Variants in HLA-G observed in about 807,000 individuals in gnomAD.
HLA-G encodes HLA class I histocompatibility antigen, alpha chain G.
Under a neutral mutation model 39.3 loss-of-function variants are expected in HLA-G, and 34 were observed. The observed-to-expected ratio is 0.86, with a 90% CI of 0.66 to 1.15. The LOEUF (loss-of-function observed/expected upper bound fraction) is 1.15, where lower values mean the gene tolerates loss of function less well. HLA-G is among the 50% of genes most tolerant of loss of function. HLA-G has a pLI of 0.00. For missense variants in HLA-G, 419 were observed against 456.4 expected, an observed-to-expected ratio of 0.92 and a Z score of 0.75; for synonymous variants, 183 against 185.8, an observed-to-expected ratio of 0.99 and a Z score of 0.12.
Position 29,828,332 on chromosome 6 carries a change from C to T in HLA-G, c.343+16C>T, listed in dbSNP as rs1460997602. 6.3e-7 allele frequency: 1 copy of T among 1,594,478 alleles called. No homozygotes were observed. The highest frequency in any genetic ancestry group is 8.5e-7 in the Non-Finnish European group (1 of 1,172,110). On this transcript the variant is annotated intron_variant, in intron 2 of 6. Coordinates refer to ENST00000360323, the MANE Select transcript of HLA-G (RefSeq NM_001384290.1). Reference sequence around the variant, plus strand: ...AGCGAGGCCAGTGAGTAACTCCGGCCCAGGGAGCAGATCACGACCCCCACC... The same window carrying T: ...AGCGAGGCCAGTGAGTAACTCCGGCTCAGGGAGCAGATCACGACCCCCACC...
Position 29,828,728 on chromosome 6 carries a change from GC to G in HLA-G, c.530del (p.Ala177ValfsTer37), listed in dbSNP as rs778802525. ...GCGCAAGTGTGAGGCGGCCAATGTG[GC>G]TGAACAAAGGAGAGCCTACCTGGAG... ...SKRKCEAANVAEQRRAYLEGT... is the reference protein window; with the variant it reads ...SKRKCEAANVXEQRRAYLEGT... On this transcript the variant is annotated frameshift_variant, in exon 3 of 7. Coordinates refer to ENST00000360323, the MANE Select transcript of HLA-G (RefSeq NM_001384290.1). LOFTEE classifies it high-confidence loss of function. 1.9e-6 allele frequency: 3 copies of G among 1,613,806 alleles called. No individual in the cohort carries two copies. Among genetic ancestry groups the G allele is most frequent in the African/African-American group, 1.3e-5 (1 of 74,950 alleles).
intron 3 of HLA-G, among the ~76,000 whole-genome samples, chr6:29,829,079 C>T (rs1264403116): frequency 6.6e-6 from 1 of 151,990 alleles, no homozygotes; most frequent in African/African-American, 2.4e-5. Context: ...CAGGGGTTCC[C>T]TTTGACCCCA....
chr6:29,827,844 G>T lies in HLA-G; in HGVS notation c.-1G>T, dbSNP rs148951074. 17 of 1,613,082 alleles carry T rather than the reference G, an allele frequency of 1.1e-5. No homozygotes were observed. The African/African-American group carries it at 2.3e-4, about 22-fold the overall frequency. On this transcript the variant is annotated 5_prime_UTR_variant, in exon 1 of 7. Coordinates refer to ENST00000360323, the MANE Select transcript of HLA-G (RefSeq NM_001384290.1). ...GGACTCATTCTCCCCAGACGCCAAG[G>T]ATGGTGGTCATGGCGCCCCGAACCC... is the stretch of plus-strand genomic sequence containing the variant.
Position 29,827,828 on chromosome 6 carries a change from C to T in HLA-G, c.-17C>T. On this transcript the variant is annotated 5_prime_UTR_variant, in exon 1 of 7. Coordinates refer to ENST00000360323, the MANE Select transcript of HLA-G (RefSeq NM_001384290.1). The stretch of plus-strand genomic sequence containing the variant: ...CCTCGCTCACCCACCCGGACTCATT[C>T]TCCCCAGACGCCAAGGATGGTGGTC... The T allele has an allele frequency of 6.2e-7, 1 of 1,611,574 alleles. No individual in the cohort carries two copies. The highest frequency in any genetic ancestry group is 8.5e-7 in the Non-Finnish European group (1 of 1,178,274).
rs202126599 is a variant in HLA-G, at chr6:29,829,589, C to A, written c.791C>A (p.Thr264Asn). ...LVETRPAGDGTFQKWAAVVVP... is the reference protein window; with the variant it reads ...LVETRPAGDGNFQKWAAVVVP... ...GAGACCAGGCCTGCAGGGGATGGAA[C>A]CTTCCAGAAGTGGGCAGCTGTGGTG... The change falls in exon 4 of 7, where the codon ACC becomes AAC. Residue 264 changes from threonine (T) to asparagine (N), a missense_variant. Physicochemically the swap from Thr to Asn is moderately conservative, Grantham distance 65. Transcript: ENST00000360323. 1.1e-5 allele frequency: 17 copies of A among 1,614,066 alleles called. No individual in the cohort carries two copies. Among genetic ancestry groups the A allele is most frequent in the South Asian group, 4.4e-5 (4 of 91,072 alleles).
In HLA-G at chr6:29,828,173, C is replaced by T; in HGVS notation, c.200C>T (p.Pro67Leu). 1 of 1,613,134 alleles carries T rather than the reference C, an allele frequency of 6.2e-7. No homozygotes were observed. The highest frequency in any genetic ancestry group is 8.5e-7 in the Non-Finnish European group (1 of 1,179,810). ...CGGTTCGACAGCGACTCGGCGTGTCCGAGGATGGAGCCGCGGGCGCCGTGG... is the reference window on the plus strand; with the variant it reads ...CGGTTCGACAGCGACTCGGCGTGTCTGAGGATGGAGCCGCGGGCGCCGTGG... Reference protein sequence around the residue: ...FVRFDSDSACPRMEPRAPWVE... With the variant: ...FVRFDSDSACLRMEPRAPWVE... Residue 67 changes from proline (P) to leucine (L), a missense_variant, in exon 2 of 7, where the codon CCG becomes CTG. By Grantham distance (98) the Pro-to-Leu change is moderately conservative. This residue lies in a region of HLA-G where 91 missense variants were observed against 133.4 expected (regional missense o/e 0.68). Coordinates refer to ENST00000360323, the MANE Select transcript of HLA-G (RefSeq NM_001384290.1).
In HLA-G at chr6:29,828,302, A is replaced by G; in HGVS notation, c.329A>G (p.Asn110Ser). 6.2e-7 allele frequency: 1 copy of G among 1,612,736 alleles called. No homozygotes were observed. The highest frequency in any genetic ancestry group is 2.2e-5 in the East Asian group (1 of 44,832). The stretch of plus-strand genomic sequence containing the variant: ...CTGCAGACCCTGCGCGGCTACTACA[A>G]CCAGAGCGAGGCCAGTGAGTAACTC... ...MNLQTLRGYY[N>S]QSEASSHTLQ... is the part of the protein sequence containing the mutation. The change falls in exon 2 of 7, where the codon AAC (asparagine) becomes AGC (serine). Residue 110 changes from asparagine to serine, a missense_variant. Physicochemically the swap from Asn to Ser is conservative, Grantham distance 46 (BLOSUM62 1). Coordinates refer to ENST00000360323, the MANE Select transcript of HLA-G (RefSeq NM_001384290.1).
intron 2 of HLA-G, 23 bp from the exon 3 acceptor site, chr6:29,828,520 G>T (rs761483005): frequency 9.3e-5 from 149 of 1,607,310 alleles, no homozygotes; most frequent in Non-Finnish European, 1.2e-4. Flanking sequence ...GGTGGGCGGG[G>T]CTGACCGAGG....
At chr6:29,827,304 GA>G (rs17875392), upstream of HLA-G, 13,026 of 353,698 alleles carry the variant, frequency 0.037, 324 homozygotes, top group African/African-American at 0.084. Context: ...ATTTAAGGGG[GA>G]AAAAAAACCC....
At chr6:29,830,476 C>A in intron 6 of HLA-G, 66 bp downstream of exon 6, 1 of 1,357,770 alleles carries the variant, frequency 7.4e-7, no homozygotes, top group Non-Finnish European at 1.1e-6. Flanking sequence ...CATGGGGGAG[C>A]TCACCCACCC....
chr6:29,828,124 T>C lies in HLA-G; in HGVS notation c.151T>C (p.Tyr51His), dbSNP rs76333131. 353 of 1,612,980 alleles carry C rather than the reference T, an allele frequency of 2.2e-4. No homozygotes were observed. Among genetic ancestry groups the C allele is most frequent in the Non-Finnish European group, 2.8e-4 (331 of 1,179,824 alleles). Reference protein sequence around the residue: ...RGEPRFIAMGYVDDTQFVRFD... With the variant: ...RGEPRFIAMGHVDDTQFVRFD... ...GGAGCCCCGCTTCATCGCCATGGGC[T>C]ACGTGGACGACACGCAGTTCGTGCG... is the stretch of plus-strand genomic sequence containing the variant. The change falls in exon 2 of 7, where the codon TAC (tyrosine) becomes CAC (histidine). Residue 51 changes from tyrosine to histidine, a missense_variant. Transcript: ENST00000360323.
chr6:29,828,139 C>G lies in HLA-G; in HGVS notation c.166C>G (p.Gln56Glu). 6.2e-7 allele frequency: 1 copy of G among 1,613,244 alleles called. No individual in the cohort carries two copies. The highest frequency in any genetic ancestry group is 2.2e-5 in the East Asian group (1 of 44,864). ...CGCCATGGGCTACGTGGACGACACG[C>G]AGTTCGTGCGGTTCGACAGCGACTC... ...FIAMGYVDDT[Q>E]FVRFDSDSAC... is the part of the protein sequence containing the mutation. Residue 56 changes from glutamine to glutamate, a missense_variant, in exon 2 of 7, where the codon CAG becomes GAG. Physicochemically the swap from Gln to Glu is conservative, Grantham distance 29. This residue lies in a region of HLA-G where 91 missense variants were observed against 133.4 expected (regional missense o/e 0.68). Transcript: ENST00000360323.
chr6:29,829,254 TAGG>T (rs1761027303), intron 3 of HLA-G, among the ~76,000 whole-genome samples, 161 bp from the exon 4 acceptor site: 1 of 151,870 alleles, frequency 6.6e-6, no homozygotes, highest in South Asian at 2.1e-4. Context: ...TTCCAAGGAA[TAGG>T]AGATTATCCC....
chr6:29,829,332 C>T (rs1359515550), intron 3 of HLA-G, 86 bp from the exon 4 acceptor site: 2 of 1,446,722 alleles, frequency 1.4e-6, no homozygotes, highest in Non-Finnish European at 1.9e-6. Context: ...GTATCTGGTT[C>T]ATTCTTAGGA....
rs553193145 is a variant in HLA-G at position 29,829,845 on chromosome 6, A to G, written c.925A>G (p.Met309Val). Residue 309 changes from methionine (M) to valine (V), a missense_variant, in exon 5 of 7, where the codon ATG (methionine) becomes GTG (valine). This residue lies in a region of HLA-G where 328 missense variants were observed against 323.0 expected (regional missense o/e 1.02). Transcript: ENST00000360323. The part of the protein sequence containing the change: ...KQSSLPTIPI[M>V]GIVAGLVVLA... ...GTCTTCCCTGCCCACCATCCCCATC[A>G]TGGGTATCGTTGCTGGCCTGGTTGT... 1.9e-6 allele frequency: 3 copies of G among 1,613,784 alleles called. No individual in the cohort carries two copies. Among genetic ancestry groups the G allele is most frequent in the East Asian group, 2.2e-5 (1 of 44,866 alleles).
chr6:29,828,234 G>T lies in HLA-G; in HGVS notation c.261G>T (p.Glu87Asp). 6.2e-7 allele frequency: 1 copy of T among 1,613,602 alleles called. No individual in the cohort carries two copies. The highest frequency in any genetic ancestry group is 8.5e-7 in the Non-Finnish European group (1 of 1,179,846). Reference sequence around the variant, plus strand: ...AGGGGCCGGAGTATTGGGAAGAGGAGACACGGAACACCAAGGCCCACGCAC... The same window carrying T: ...AGGGGCCGGAGTATTGGGAAGAGGATACACGGAACACCAAGGCCCACGCAC... ...EQEGPEYWEEETRNTKAHAQT... is the reference protein window; with the variant it reads ...EQEGPEYWEEDTRNTKAHAQT... The change falls in exon 2 of 7, where the codon GAG (glutamate) becomes GAT (aspartate). Residue 87 changes from glutamate to aspartate, a missense_variant. Glu to Asp is a conservative substitution (Grantham distance 45). Transcript: ENST00000360323.
At chr6:29,828,905 C>G (rs1236853247) in intron 3 of HLA-G, 87 bp downstream of exon 3, 2 of 1,557,100 alleles carry the variant, frequency 1.3e-6, no homozygotes, top group Non-Finnish European at 1.8e-6. Flanking sequence ...ATGGGACCAA[C>G]ACTAGAATAT....
chr6:29,829,375 TGA>T, intron 3 of HLA-G, 41 bp from the exon 4 acceptor site: 1 of 1,578,376 alleles, frequency 6.3e-7, no homozygotes, highest in Non-Finnish European at 8.7e-7. Context: ...GAGTGTCCCA[TGA>T]GAGATGCAAA....
intron 6 of HLA-G, 70 bp downstream of exon 6, chr6:29,830,480 C>T: frequency 3.0e-6 from 4 of 1,330,260 alleles, no homozygotes; most frequent in Non-Finnish European, 4.3e-6. Flanking sequence ...GGGGAGCTCA[C>T]CCACCCCACA....
Sources: gnomAD v4.1 joint callset for allele counts (sites outside exome capture counted in the v4.1 genomes callset) on GRCh38, gnomAD v4.1.1 for gene constraint, gnomAD v4.1.1 regional missense constraint, MANE v1.5 for transcripts, NCBI Gene and HGNC (gene_info 2026-07-23, HGNC 2026-07-21) for gene names.